The following FRMD4B variants were observed in gnomAD, a reference collection of about 807,000 sequenced individuals.
The protein encoded by FRMD4B is FERM domain containing 4B, also known as FERM domain-containing protein 4B.
A neutral mutation model predicts 141.5 loss-of-function variants in FRMD4B; 74 were observed. The observed-to-expected ratio is 0.52, with a 90% CI of 0.43 to 0.63. The LOEUF (loss-of-function observed/expected upper bound fraction) is 0.63, where lower values mean the gene tolerates loss of function less well. Among genes scored for constraint, FRMD4B ranks in the 30% least tolerant of loss-of-function variants. The pLI, the probability that FRMD4B is intolerant of heterozygous loss-of-function variation, is 0.00. For missense variants in FRMD4B, 1,366 were observed against 1,253.4 expected (o/e 1.09, Z -1.36); for synonymous variants, 506 against 467.9 (o/e 1.08, Z -1.05).
At chr3:69,228,146 C>T (rs1252863823) in intron 7 of FRMD4B, among the ~76,000 whole-genome samples, 1 of 152,158 alleles carries the variant, frequency 6.6e-6, no homozygotes, top group African/African-American at 2.4e-5. Flanking sequence ...TGGGTAGTTC[C>T]TATAATGCAC....
chr3:69,478,722 T>C (rs1234062676), intron 1 of FRMD4B, among the ~76,000 whole-genome samples: 5 of 152,164 alleles, frequency 3.3e-5, no homozygotes, highest in Admixed American at 1.3e-4. Flanking sequence ...CTATTAGGTC[T>C]GCTTGGTGCA....
At chr3:69,441,297 T>C (rs1705337487) in intron 1 of FRMD4B, among the ~76,000 whole-genome samples, 1 of 152,098 alleles carries the variant, frequency 6.6e-6, no homozygotes, top group Non-Finnish European at 1.5e-5. Context: ...GCAGTGAGAG[T>C]GGAGTGGTTT....
chr3:69,520,011 T>TATATAC (rs1700826191), intron 1 of FRMD4B, among the ~76,000 whole-genome samples: 1 of 129,790 alleles, frequency 7.7e-6, no homozygotes, highest in Non-Finnish European at 1.5e-5. Context: ...TATATATATA[T>TATATAC]ATATATATAT....
intron 1 of FRMD4B, among the ~76,000 whole-genome samples, chr3:69,449,242 G>A (rs549690287): frequency 1.3e-5 from 2 of 152,278 alleles, no homozygotes; most frequent in African/African-American, 4.8e-5. Context: ...GTTTAGACTA[G>A]ATAACCAAAT....
intron 3 of FRMD4B, among the ~76,000 whole-genome samples, chr3:69,304,483 CAAAAAAA>C (rs1313360753): frequency 4.3e-4 from 29 of 67,612 alleles, no homozygotes; most frequent in African/African-American, 1.5e-3. Flanking sequence ...GATTCTATCT[CAAAAAAA>C]AAAAAAAAAA....
In FRMD4B at chr3:69,335,596, A is replaced by C. The variant is rs55891772; in HGVS notation, c.163-22079T>G. Among the ~76,000 whole-genome samples, 967 of 151,380 alleles carry C rather than the reference A, an allele frequency of 6.4e-3. 13 individuals are homozygous for C. Among genetic ancestry groups the C allele is most frequent in the African/African-American group, 0.023 (942 of 41,280 alleles). On this transcript the variant is annotated intron_variant, in intron 1 of 22. Coordinates refer to ENST00000398540, the MANE Select transcript of FRMD4B (RefSeq NM_015123.3). ...TTCCCAAAGTGTTGGGATTATGGGC[A>C]TGAGCCGCTGCAGCCGGCCCCATAA...
chr3:69,222,154 A>AAC (rs1553704396), intron 8 of FRMD4B, among the ~76,000 whole-genome samples: 1 of 151,942 alleles, frequency 6.6e-6, no homozygotes, highest in East Asian at 1.9e-4. Context: ...ATATTTATAT[A>AAC]ATATATATAT....
chr3:69,373,285 C>G (rs1194893583), intron 1 of FRMD4B, among the ~76,000 whole-genome samples: 1 of 152,132 alleles, frequency 6.6e-6, no homozygotes, highest in East Asian at 1.9e-4. Flanking sequence ...AGATTAGAGA[C>G]TAGGAGAGTG....
At chr3:69,200,882 C>T in intron 11 of FRMD4B, 1 of 458,030 alleles carries the variant, frequency 2.2e-6, no homozygotes, top group South Asian at 1.5e-5. Context: ...GCGTCCATTC[C>T]CACACACATA....
chr3:69,213,932 C>A (rs2093112852), intron 11 of FRMD4B, among the ~76,000 whole-genome samples: 1 of 151,892 alleles, frequency 6.6e-6, no homozygotes, highest in Non-Finnish European at 1.5e-5. Context: ...CCCATCTTGA[C>A]CTCCAAAAGC....
rs71618288 is a variant in FRMD4B at position 69,519,997 on chromosome 3, C to CATATAT, written c.-129+22203_-129+22208dup. 4.7e-3 allele frequency among the ~76,000 whole-genome samples: 412 copies of CATATAT among 88,356 alleles called. 12 individuals are homozygous for CATATAT. Among genetic ancestry groups the CATATAT allele is most frequent in the East Asian group, 0.034 (87 of 2,546 alleles). 58.0% of individuals were successfully genotyped at this position (88,356 alleles called of 152,430 possible). Reference sequence around the variant, plus strand: ...TCCTTTTTGTGGCTGAGTAGTATTCCATATATATATATATATATATATATA... The same window carrying CATATAT: ...TCCTTTTTGTGGCTGAGTAGTATTCCATATATATATATATATATATATATATATATA... On this transcript the variant is annotated intron_variant, in intron 1 of 5. Coordinates refer to the FRMD4B transcript ENST00000459638.
At chr3:69,521,147 C>G (rs1700848047) in intron 1 of FRMD4B, among the ~76,000 whole-genome samples, 1 of 152,106 alleles carries the variant, frequency 6.6e-6, no homozygotes, top group Admixed American at 6.5e-5. Flanking sequence ...CCCAGATGGT[C>G]CCCCACCCTG....
In FRMD4B at chr3:69,382,232, G is replaced by A. The variant is rs535693167; in HGVS notation, c.162+3596C>T. On this transcript the variant is annotated intron_variant, in intron 1 of 22. Transcript: ENST00000398540. ...TTTTTGTATTTTTAGTAGAGATGGCGTTTTGCCATGTTGGCCAGGCTGGTC... is the reference window on the plus strand; with the variant it reads ...TTTTTGTATTTTTAGTAGAGATGGCATTTTGCCATGTTGGCCAGGCTGGTC... 1.6e-3 allele frequency among the ~76,000 whole-genome samples: 241 copies of A among 152,272 alleles called. 2 individuals carry two copies. Among genetic ancestry groups the A allele is most frequent in the Non-Finnish European group, 2.8e-3 (192 of 68,024 alleles).
At position 69,205,059 on chromosome 3, in the gene FRMD4B, C is replaced by CAAAAAAAAAAAAAAA. The variant is rs33955997; in HGVS notation, c.877-6300_877-6286dup. Reference sequence around the variant, plus strand: ...GTATGGGTATCTGTTATGTTTTTAACAAAAAAAAAAAAAAAGAAAAAGAGA... The same window carrying CAAAAAAAAAAAAAAA: ...GTATGGGTATCTGTTATGTTTTTAACAAAAAAAAAAAAAAAAAAAAAAAAAAAAAAGAAAAAGAGA... On this transcript the variant is annotated intron_variant, in intron 11 of 22. Transcript: ENST00000398540. 2.3e-4 allele frequency among the ~76,000 whole-genome samples: 28 copies of CAAAAAAAAAAAAAAA among 124,424 alleles called. 2 individuals are homozygous for CAAAAAAAAAAAAAAA. The highest frequency in any genetic ancestry group is 7.4e-4 in the African/African-American group (23 of 31,160). 81.6% of individuals were successfully genotyped at this position (124,424 alleles called of 152,430 possible).
chr3:69,300,885 A>G (rs1286959574), intron 4 of FRMD4B, among the ~76,000 whole-genome samples: 1 of 152,076 alleles, frequency 6.6e-6, no homozygotes, highest in Non-Finnish European at 1.5e-5. Flanking sequence ...ACAGATGCCC[A>G]CCACCAAGCC....
intron 1 of FRMD4B, among the ~76,000 whole-genome samples, chr3:69,337,387 T>C (rs1378067621): frequency 5.3e-5 from 8 of 152,192 alleles, no homozygotes; most frequent in African/African-American, 9.7e-5. Flanking sequence ...ATTCAGGACA[T>C]AGGCATGGGC....
At chr3:69,261,808 G>C (rs751145088) in intron 5 of FRMD4B, among the ~76,000 whole-genome samples, 6 of 151,986 alleles carry the variant, frequency 3.9e-5, no homozygotes, top group Non-Finnish European at 7.4e-5. Flanking sequence ...GAATAGCTTG[G>C]AATACAGGCG....
At chr3:69,491,751 T>C (rs1184893959) in intron 1 of FRMD4B, among the ~76,000 whole-genome samples, 4 of 152,196 alleles carry the variant, frequency 2.6e-5, no homozygotes, top group Non-Finnish European at 5.9e-5. Context: ...CCAAATAACT[T>C]GCTGATATGC....
intron 1 of FRMD4B, among the ~76,000 whole-genome samples, chr3:69,360,520 G>A (rs552487206): frequency 6.6e-6 from 1 of 152,124 alleles, no homozygotes; most frequent in East Asian, 1.9e-4. Context: ...TTTGCAACTG[G>A]TTGATATTTT....
Sources: allele counts gnomAD v4.1 joint callset (sites outside exome capture counted in the v4.1 genomes callset), GRCh38; gene constraint gnomAD v4.1.1; transcripts MANE v1.5; gene names NCBI Gene and HGNC (gene_info 2026-07-23, HGNC 2026-07-21).